UBE2E1: variants seen among roughly 807,000 people sequenced by gnomAD.
UBE2E1 encodes the protein ubiquitin-conjugating enzyme E2 E1.
UBE2E1 carries 6 observed loss-of-function variants against 21.4 expected under a neutral mutation model. The observed-to-expected ratio is 0.28, with a 90% confidence interval of 0.15 to 0.55. The LOEUF is 0.55. Ranked by LOEUF, UBE2E1 falls within the 20% of genes least tolerant of loss-of-function variation. The pLI, the probability that UBE2E1 is intolerant of heterozygous loss-of-function variation, is 0.93. For missense variants in UBE2E1, 142 were observed against 236.5 expected (o/e 0.60, Z 2.62); for synonymous variants, 87 against 82.7 (o/e 1.05, Z -0.28).
chr3:23,848,889 T>G lies in UBE2E1; in HGVS notation c.203+37379T>G, dbSNP rs184494422. Among the ~76,000 whole-genome samples, 6 of 152,350 alleles carry G rather than the reference T, an allele frequency of 3.9e-5. No homozygotes were observed. The East Asian group carries it at 1.2e-3, about 29-fold the overall frequency. Reference sequence around the variant, plus strand: ...GAAGACCATGAGTTCATGTGGTCTTTAGTGAGTGGCTTCTTTCACTTAGTA... The same window carrying G: ...GAAGACCATGAGTTCATGTGGTCTTGAGTGAGTGGCTTCTTTCACTTAGTA... On this transcript the variant is annotated intron_variant, in intron 3 of 5. Transcript: ENST00000306627.
intron 3 of UBE2E1, among the ~76,000 whole-genome samples, chr3:23,850,733 G>GAGC (rs1174700538): frequency 6.9e-6 from 1 of 143,932 alleles, no homozygotes; most frequent in Non-Finnish European, 1.5e-5. Context: ...ACCCATGCCA[G>GAGC]AGCTGTGGCA....
At chr3:23,867,432 C>G (rs1376530423) in intron 3 of UBE2E1, among the ~76,000 whole-genome samples, 1 of 152,188 alleles carries the variant, frequency 6.6e-6, no homozygotes, top group Non-Finnish European at 1.5e-5. Flanking sequence ...TTATCATCAA[C>G]TTTGTTGAGG....
intron 3 of UBE2E1, among the ~76,000 whole-genome samples, chr3:23,850,092 T>C (rs1312358541): frequency 6.6e-6 from 1 of 152,252 alleles, no homozygotes; most frequent in African/African-American, 2.4e-5. Context: ...AAATGTCTTT[T>C]AGATATTTTG....
At chr3:23,841,262 G>C (rs1466523495) in intron 3 of UBE2E1, among the ~76,000 whole-genome samples, 1 of 152,158 alleles carries the variant, frequency 6.6e-6, no homozygotes, top group Non-Finnish European at 1.5e-5. Context: ...AAATGGGTAA[G>C]AGTTAGATTT....
At chr3:23,854,243 C>CA (rs754330255) in intron 3 of UBE2E1, among the ~76,000 whole-genome samples, 4,767 of 54,566 alleles carry the variant, frequency 0.087, 208 homozygotes, top group African/African-American at 0.13. Context: ...GACTCAGTCT[C>CA]AAAAAAAAAA....
Position 23,807,587 on chromosome 3 carries a change from TTC to T in UBE2E1, c.152+168_152+169del, listed in dbSNP as rs1433961230. Reference sequence around the variant, plus strand: ...CCCTAATTATTTTCTCTATTGCTGCTTCTGTTTTTAAATCATTGCTCACATGC... The same window carrying T: ...CCCTAATTATTTTCTCTATTGCTGCTTGTTTTTAAATCATTGCTCACATGC... On this transcript the variant is annotated intron_variant, in intron 2 of 5. Transcript: ENST00000306627. 1.5e-5 allele frequency: 12 copies of T among 817,650 alleles called. 1 individual carries two copies. In the Admixed American group the frequency reaches 2.6e-4, roughly 18 times the overall value. 50.6% of individuals were successfully genotyped at this position (817,650 alleles called of 1,614,324 possible).
intron 3 of UBE2E1, chr3:23,878,977 GCTGCTTTAGTCCATCTCCTA>G: frequency 2.2e-6 from 1 of 447,348 alleles, no homozygotes; most frequent in South Asian, 1.8e-5. Context: ...GTTGTGGACT[GCTGCTTTAGTCCATCTCCTA>G]TGATTGCACA....
rs1699979355 is a variant in UBE2E1 at position 23,836,558 on chromosome 3, A to G, written c.203+25048A>G. On this transcript the variant is annotated intron_variant, in intron 3 of 5. Transcript: ENST00000306627. The surrounding 1 kb of genome is among the most constrained non-coding windows in gnomAD (Gnocchi z 4.1). The stretch of plus-strand genomic sequence containing the variant: ...GAGGCAGCTCTTTTGTTCTTTTTCC[A>G]AAAGAGTGACATTGGCTTTTCTTGG... Among the ~76,000 whole-genome samples the G allele has an allele frequency of 6.6e-6, 1 of 152,200 alleles. No homozygotes were observed. Among genetic ancestry groups the G allele is most frequent in the Non-Finnish European group, 1.5e-5 (1 of 68,036 alleles).
chr3:23,825,411 A>G (rs538759973), intron 3 of UBE2E1, among the ~76,000 whole-genome samples: 4 of 152,308 alleles, frequency 2.6e-5, no homozygotes, highest in Admixed American at 1.3e-4. Context: ...TCTGATATTT[A>G]TCGGCCATTT....
chr3:23,851,266 G>A (rs1024475537), intron 3 of UBE2E1, among the ~76,000 whole-genome samples: 3 of 152,086 alleles, frequency 2.0e-5, no homozygotes, highest in Non-Finnish European at 4.4e-5. Context: ...CTATCCTTTT[G>A]CTGGTACTAC....
chr3:23,883,736 T>G (rs990929330), intron 3 of UBE2E1, among the ~76,000 whole-genome samples: 1 of 151,812 alleles, frequency 6.6e-6, no homozygotes, highest in Non-Finnish European at 1.5e-5. Flanking sequence ...GCCAATATGG[T>G]GAAACCCCAG....
intron 3 of UBE2E1, among the ~76,000 whole-genome samples, chr3:23,848,034 C>G (rs1575013239): frequency 6.6e-6 from 1 of 152,130 alleles, no homozygotes; most frequent in African/African-American, 2.4e-5. Context: ...AAACACTGTT[C>G]TGTACCTTGG....
At position 23,836,029 on chromosome 3, in the gene UBE2E1, A is replaced by G. The variant is rs1447807360; in HGVS notation, c.203+24519A>G. Among the ~76,000 whole-genome samples, 4 of 152,232 alleles carry G rather than the reference A, an allele frequency of 2.6e-5. No homozygotes were observed. Among genetic ancestry groups the G allele is most frequent in the Admixed American group, 6.5e-5 (1 of 15,282 alleles). On this transcript the variant is annotated intron_variant, in intron 3 of 5. Coordinates refer to ENST00000306627, the MANE Select transcript of UBE2E1 (RefSeq NM_003341.5). The surrounding 1 kb of genome is among the most constrained non-coding windows in gnomAD (Gnocchi z 4.1). The stretch of plus-strand genomic sequence containing the variant: ...CTAGTTTATGGCACAGATAAGATAT[A>G]TATTTCAGAAAAAATGTTTTGAGCT...
intron 3 of UBE2E1, among the ~76,000 whole-genome samples, chr3:23,852,982 T>C (rs1227225972): frequency 6.6e-6 from 1 of 151,986 alleles, no homozygotes; most frequent in East Asian, 1.9e-4. Context: ...AATGGCATGA[T>C]CTCGGCTCAC....
At chr3:23,848,909 T>C (rs190230207) in intron 3 of UBE2E1, among the ~76,000 whole-genome samples, 2 of 152,346 alleles carry the variant, frequency 1.3e-5, no homozygotes, top group Admixed American at 6.5e-5. Context: ...CTTCTTTCAC[T>C]TAGTACAGTG....
intron 3 of UBE2E1, among the ~76,000 whole-genome samples, chr3:23,819,798 T>C (rs1445666536): frequency 6.6e-6 from 1 of 152,190 alleles, no homozygotes; most frequent in Non-Finnish European, 1.5e-5. Flanking sequence ...TTGACCTTCC[T>C]GCAATCACAG....
rs79847958 is a variant in UBE2E1 at position 23,889,487 on chromosome 3, G to C, written c.484+228G>C. 694 of 1,378,672 alleles carry C rather than the reference G, an allele frequency of 5.0e-4. 2 individuals are homozygous for C. The African/African-American group carries it at 9.3e-3, about 18-fold the overall frequency. 85.4% of individuals were successfully genotyped at this position (1,378,672 alleles called of 1,614,324 possible). Reference sequence around the variant, plus strand: ...AAGGTATTTTAAACTGAAGACTGACGTAAGTTTGCCTTGGGCTTTTAGTTT... The same window carrying C: ...AAGGTATTTTAAACTGAAGACTGACCTAAGTTTGCCTTGGGCTTTTAGTTT... On this transcript the variant is annotated intron_variant, in intron 5 of 5. Transcript: ENST00000306627.
chr3:23,814,472 T>A (rs1699468233), intron 3 of UBE2E1, among the ~76,000 whole-genome samples: 1 of 152,170 alleles, frequency 6.6e-6, no homozygotes, highest in African/African-American at 2.4e-5. Flanking sequence ...TTAATTTTAG[T>A]ATCTGTGATT....
intron 3 of UBE2E1, among the ~76,000 whole-genome samples, chr3:23,821,702 C>T (rs1699649139): frequency 6.6e-6 from 1 of 152,020 alleles, no homozygotes; most frequent in Admixed American, 6.6e-5. Context: ...TTGCAATTGG[C>T]TAGATGATAG....
Sources: gnomAD v4.1 joint callset for allele counts (sites outside exome capture counted in the v4.1 genomes callset) on GRCh38, gnomAD v4.1.1 for gene constraint, Gnocchi (gnomAD v3.1) non-coding constraint, MANE v1.5 for transcripts, NCBI Gene and HGNC (gene_info 2026-07-23, HGNC 2026-07-21) for gene names.